CNTNAP3B: variants seen among roughly 807,000 people sequenced by gnomAD.
CNTNAP3B encodes the protein contactin associated protein family member 3B.
A neutral mutation model predicts 108.9 loss-of-function variants in CNTNAP3B; 25 were observed. The ratio of observed to expected loss-of-function variants is 0.23; its 90% confidence interval spans 0.17 to 0.32. The LOEUF (loss-of-function observed/expected upper bound fraction) is 0.32. Among genes scored for constraint, CNTNAP3B ranks in the 10% least tolerant of loss-of-function variants. The pLI, the probability that CNTNAP3B is intolerant of heterozygous loss-of-function variation, is 1.00. For synonymous variants in CNTNAP3B, 103 were observed against 473.4 expected (o/e 0.22, Z 10.16); for missense variants, 252 against 1,210.4 (o/e 0.21, Z 11.75).
intron 12 of CNTNAP3B, among the ~76,000 whole-genome samples, chr9:41,959,782 C>T (rs1216695412): frequency 6.6e-6 from 1 of 152,296 alleles, no homozygotes; most frequent in African/African-American, 2.4e-5. Flanking sequence ...TTTCTTTATC[C>T]TTGATGCTTG....
chr9:41,949,841 C>A (rs1243024710), intron 13 of CNTNAP3B, among the ~76,000 whole-genome samples: 1 of 151,844 alleles, frequency 6.6e-6, no homozygotes, highest in South Asian at 2.1e-4. Flanking sequence ...AGAATTGACA[C>A]GATGTGTACA....
At chr9:42,086,361 A>G (rs1827703526) in intron 2 of CNTNAP3B, among the ~76,000 whole-genome samples, 6 of 134,946 alleles carry the variant, frequency 4.4e-5, no homozygotes, top group Admixed American at 4.4e-4. Flanking sequence ...ATCATCTACT[A>G]TGAATAATGT....
intron 3 of CNTNAP3B, among the ~76,000 whole-genome samples, chr9:42,049,287 T>C (rs1195429212): frequency 7.2e-6 from 1 of 139,328 alleles, no homozygotes; most frequent in Non-Finnish European, 1.5e-5. Context: ...GATCTCTCAC[T>C]CCCACACTAT....
At chr9:41,983,799 C>G (rs1256241696) in intron 9 of CNTNAP3B, 1 of 87,514 alleles carries the variant, frequency 1.1e-5, no homozygotes, top group Non-Finnish European at 2.3e-5. Flanking sequence ...CCTGTAATCC[C>G]AGAACTTTGG....
At chr9:41,952,173 T>A (rs1223026475) in intron 13 of CNTNAP3B, among the ~76,000 whole-genome samples, 6 of 152,254 alleles carry the variant, frequency 3.9e-5, no homozygotes, top group Non-Finnish European at 5.9e-5. Context: ...GCAAACCACC[T>A]TCAGATGACA....
chr9:41,915,756 C>T (rs1201478075), intron 18 of CNTNAP3B, among the ~76,000 whole-genome samples: 3 of 145,678 alleles, frequency 2.1e-5, no homozygotes, highest in Admixed American at 6.8e-5. Context: ...TTTTTTTTCC[C>T]CTCTCATTCT....
At chr9:42,084,327 C>T (rs1262921895) in intron 2 of CNTNAP3B, among the ~76,000 whole-genome samples, 1 of 120,686 alleles carries the variant, frequency 8.3e-6, no homozygotes, top group Non-Finnish European at 1.7e-5. Flanking sequence ...GGGTGATGTG[C>T]AAATGGGGCA....
chr9:41,932,448 C>T (rs1026423356), intron 14 of CNTNAP3B, among the ~76,000 whole-genome samples: 37 of 151,432 alleles, frequency 2.4e-4, no homozygotes, highest in Middle Eastern at 3.4e-3. Flanking sequence ...AAAGTAGAGC[C>T]ATAAGTTTGG....
intron 17 of CNTNAP3B, among the ~76,000 whole-genome samples, chr9:41,922,030 T>A (rs532330500): frequency 1.4e-5 from 2 of 146,304 alleles, no homozygotes; most frequent in Admixed American, 1.4e-4. Context: ...CTGTCACATA[T>A]GCCAATCCTC....
intron 1 of CNTNAP3B, among the ~76,000 whole-genome samples, chr9:42,124,982 T>C (rs1170551414): frequency 7.4e-6 from 1 of 134,876 alleles, no homozygotes; most frequent in Admixed American, 7.4e-5. Flanking sequence ...TTAAACACAA[T>C]TTTGAATGGT....
At chr9:41,945,913 A>G (rs1429646904) in intron 13 of CNTNAP3B, among the ~76,000 whole-genome samples, 1 of 152,224 alleles carries the variant, frequency 6.6e-6, no homozygotes, top group Non-Finnish European at 1.5e-5. Flanking sequence ...GGTAACACTA[A>G]CCAAAAAGAA....
rs1828603582 is a variant in CNTNAP3B, at chr9:42,127,727, C to A, written c.85+1283G>T. ...AGCATCTGACCAAAGCAATCCGGAG[C>A]TTGTTTTTTCGAAGGGCACACCAAG... On this transcript the variant is annotated intron_variant, in intron 1 of 23. Coordinates refer to ENST00000377561, the MANE Select transcript of CNTNAP3B (RefSeq NM_001201380.3). Among the ~76,000 whole-genome samples the A allele has an allele frequency of 2.2e-5, 3 of 139,428 alleles. 1 individual carries two copies. Among genetic ancestry groups the A allele is most frequent in the African/African-American group, 2.9e-5 (1 of 35,058 alleles). The allele number at this position is 139,428 out of a possible 152,430, so 91.5% of individuals were successfully genotyped here.
At chr9:41,953,142 C>A (rs781538606) in intron 13 of CNTNAP3B, 41 bp downstream of exon 13, 6 of 1,479,876 alleles carry the variant, frequency 4.1e-6, no homozygotes, top group South Asian at 3.8e-5. Flanking sequence ...GGCCGCGCCC[C>A]GGCCTCGTGA....
intron 17 of CNTNAP3B, among the ~76,000 whole-genome samples, chr9:41,922,184 T>A (rs1318049112): frequency 7.6e-6 from 1 of 132,370 alleles, no homozygotes; most frequent in African/African-American, 3.1e-5. Context: ...ACTGAGATAC[T>A]GCAGGGCCCG....
At chr9:42,044,926 G>T (rs1237144212) in intron 3 of CNTNAP3B, among the ~76,000 whole-genome samples, 8 of 101,316 alleles carry the variant, frequency 7.9e-5, no homozygotes, top group Admixed American at 2.0e-4. Context: ...GTGATAAAAA[G>T]GACATTTTGC....
At chr9:41,915,823 C>G (rs1353045907) in intron 18 of CNTNAP3B, among the ~76,000 whole-genome samples, 1 of 150,782 alleles carries the variant, frequency 6.6e-6, no homozygotes, top group Non-Finnish European at 1.5e-5. Flanking sequence ...TCCTGAAATC[C>G]TGGGATAAAT....
rs374986911 is a variant in CNTNAP3B at position 42,111,962 on chromosome 9, C to T, written c.86-7223G>A. Among the ~76,000 whole-genome samples the T allele has an allele frequency of 1.4e-4, 19 of 139,204 alleles. 1 individual carries two copies. The East Asian group carries it at 2.2e-3, about 16-fold the overall frequency. 91.3% of individuals were successfully genotyped at this position (139,204 alleles called of 152,430 possible). A position where few individuals can be genotyped will look rare whatever the true frequency, so the allele number is the denominator to read the frequency against. ...CAAGTCACACAAACAGCCATATCAACGAGCTCCAATGGATCCCCACTGCAC... is the reference window on the plus strand; with the variant it reads ...CAAGTCACACAAACAGCCATATCAATGAGCTCCAATGGATCCCCACTGCAC... On this transcript the variant is annotated intron_variant, in intron 1 of 23. Coordinates refer to ENST00000377561, the MANE Select transcript of CNTNAP3B (RefSeq NM_001201380.3).
chr9:41,937,142 T>G (rs1171678148), intron 14 of CNTNAP3B, among the ~76,000 whole-genome samples: 1 of 149,668 alleles, frequency 6.7e-6, no homozygotes, highest in Non-Finnish European at 1.5e-5. Context: ...ATTATTATTA[T>G]TTTGAGGTGG....
chr9:41,967,125 G>A (rs7028133), intron 10 of CNTNAP3B, among the ~76,000 whole-genome samples: 1 of 142,478 alleles, frequency 7.0e-6, no homozygotes, highest in Non-Finnish European at 1.5e-5. Flanking sequence ...ATTTTTAGGT[G>A]TGGTATTTGA....
Sources: gnomAD v4.1 joint callset for allele counts (sites outside exome capture counted in the v4.1 genomes callset) on GRCh38, gnomAD v4.1.1 for gene constraint, MANE v1.5 for transcripts, NCBI Gene and HGNC (gene_info 2026-07-23, HGNC 2026-07-21) for gene names.